The following WDR17 variants were observed in gnomAD, a reference collection of about 807,000 sequenced individuals.
WDR17 encodes the protein WD repeat domain 17.
WDR17 carries 143 observed loss-of-function variants against 161.7 expected under a neutral mutation model. That is an observed-to-expected ratio of 0.88 (90% CI 0.77 to 1.02). The LOEUF (loss-of-function observed/expected upper bound fraction) is 1.02. WDR17 is among the 50% of genes least tolerant of loss of function. The pLI is 0.00. For synonymous variants in WDR17, 517 were observed against 515.6 expected (o/e 1.00, Z -0.04); for missense variants, 1,469 against 1,520.9 (o/e 0.97, Z 0.57).
chr4:176,069,733 G>T (rs1026405365), intron 1 of WDR17, among the ~76,000 whole-genome samples: 2 of 151,808 alleles, frequency 1.3e-5, no homozygotes, highest in African/African-American at 4.8e-5. Context: ...TTCATATCAC[G>T]CACACAGAAA....
chr4:176,098,584 A>G (rs1275091602), intron 1 of WDR17, among the ~76,000 whole-genome samples: 1 of 151,962 alleles, frequency 6.6e-6, no homozygotes, highest in Non-Finnish European at 1.5e-5. Flanking sequence ...AAGATAACAA[A>G]AGGTTCTGGA....
At chr4:176,152,128 G>T (rs565075144) in intron 17 of WDR17, among the ~76,000 whole-genome samples, 161 bp downstream of exon 17, 2 of 151,714 alleles carry the variant, frequency 1.3e-5, no homozygotes, top group Admixed American at 1.3e-4. Flanking sequence ...TGAGCAACAC[G>T]GTAAAACCCC....
Position 176,168,833 on chromosome 4 carries a change from T to G in WDR17, c.3102+50T>G, listed in dbSNP as rs759557264. The G allele has an allele frequency of 5.7e-6, 9 of 1,569,722 alleles. No homozygotes were observed. The African/African-American group carries it at 8.2e-5, about 14-fold the overall frequency. ...TGGTTTGGAATGCAGTGCTATGATT[T>G]AATTAATTGTAGGTTCAAGCAAATA... On this transcript the variant is annotated intron_variant, in intron 23 of 28. Coordinates refer to ENST00000508596, the MANE Select transcript of WDR17 (RefSeq NM_181265.4).
intron 3 of WDR17, among the ~76,000 whole-genome samples, chr4:176,117,328 C>T (rs2126712083): frequency 6.6e-6 from 1 of 152,066 alleles, no homozygotes; most frequent in Admixed American, 6.6e-5. Flanking sequence ...TAATGCATTT[C>T]CAAGTACTTT....
chr4:176,095,068 G>T (rs749038926), intron 1 of WDR17, among the ~76,000 whole-genome samples: 1 of 152,108 alleles, frequency 6.6e-6, no homozygotes, highest in Non-Finnish European at 1.5e-5. Flanking sequence ...CAGAGACAAG[G>T]TTGGTAGAGT....
At chr4:176,144,730 A>G (rs1745885785) in intron 11 of WDR17, among the ~76,000 whole-genome samples, 1 of 152,162 alleles carries the variant, frequency 6.6e-6, no homozygotes, top group Non-Finnish European at 1.5e-5. Flanking sequence ...TGCCGTATTC[A>G]TATTCCACTT....
intron 1 of WDR17, among the ~76,000 whole-genome samples, chr4:176,073,150 A>G (rs1733456929): frequency 6.6e-6 from 1 of 151,962 alleles, no homozygotes. Context: ...CATGTGCACA[A>G]TGTGCAGGTT....
At chr4:176,177,334 A>T (rs937028990) in intron 27 of WDR17, 137 bp from the exon 28 acceptor site, 15 of 993,288 alleles carry the variant, frequency 1.5e-5, no homozygotes, top group Admixed American at 5.6e-5. Flanking sequence ...CCTTTGTTTT[A>T]CTATAAATTA....
At position 176,179,677 on chromosome 4, in the gene WDR17, G is replaced by A; in HGVS notation, c.*98G>A. On this transcript the variant is annotated 3_prime_UTR_variant, in exon 29 of 29. Transcript: ENST00000508596. ...TTGTTGCTCAAGTGCCAGAGGTTGG[G>A]AGAAGGATTGCAGGTTGGGAGAGGT... The A allele has an allele frequency of 2.4e-6, 3 of 1,256,256 alleles. No homozygotes were observed. In the South Asian group the frequency reaches 8.0e-5, roughly 34 times the overall value. The allele number at this position is 1,256,256 out of a possible 1,614,324, so 77.8% of individuals were successfully genotyped here.
At chr4:176,136,794 G>A (rs1258784553) in intron 8 of WDR17, among the ~76,000 whole-genome samples, 1 of 151,508 alleles carries the variant, frequency 6.6e-6, no homozygotes, top group Non-Finnish European at 1.5e-5. Flanking sequence ...GTTTAAAAAT[G>A]TTAGAAATAT....
At chr4:176,170,316 C>CTTTTT (rs34343977) in intron 23 of WDR17, among the ~76,000 whole-genome samples, 1 of 125,168 alleles carries the variant, frequency 8.0e-6, no homozygotes, top group Non-Finnish European at 1.7e-5. Context: ...TTTCTTTTTT[C>CTTTTT]TTTTTTTTTT....
At chr4:176,139,768 T>C in intron 9 of WDR17, 124 bp from the exon 10 acceptor site, 1 of 679,054 alleles carries the variant, frequency 1.5e-6, no homozygotes, top group Non-Finnish European at 2.4e-6. Context: ...TTGACAGTAA[T>C]GCCTCTGTTA....
At chr4:176,068,937 C>T (rs1020262500) in intron 1 of WDR17, among the ~76,000 whole-genome samples, 1 of 152,136 alleles carries the variant, frequency 6.6e-6, no homozygotes. Context: ...TCACGAAGGA[C>T]TTGCAACTTT....
chr4:176,118,286 C>T (rs991420280), intron 3 of WDR17, among the ~76,000 whole-genome samples: 1 of 152,276 alleles, frequency 6.6e-6, no homozygotes, highest in Middle Eastern at 3.4e-3. Context: ...TGCTGTCTTT[C>T]TCTAAATATA....
Position 176,162,132 on chromosome 4 carries a change from A to G in WDR17, c.2808A>G (p.Ala936=). 1 of 1,613,418 alleles carries G rather than the reference A, an allele frequency of 6.2e-7. No individual in the cohort carries two copies. Among genetic ancestry groups the G allele is most frequent in the Non-Finnish European group, 8.5e-7 (1 of 1,179,530 alleles). ...LAEWYFQDGR[A]VLAACCHLAI... is the part of the protein sequence containing the mutation. The stretch of plus-strand genomic sequence containing the variant: ...AATGGTATTTTCAAGATGGTCGAGC[A>G]GTACTAGCCGCATGTTGCCATCTTG... The change falls in exon 21 of 29, where the codon GCA becomes GCG. Residue 936 remains alanine (A), a synonymous_variant. Transcript: ENST00000508596.
At chr4:176,083,785 C>T (rs748034077) in intron 1 of WDR17, among the ~76,000 whole-genome samples, 2 of 152,108 alleles carry the variant, frequency 1.3e-5, no homozygotes, top group Non-Finnish European at 2.9e-5. Flanking sequence ...CCCCAGTTTA[C>T]GTTCCCCTGA....
intron 1 of WDR17, among the ~76,000 whole-genome samples, chr4:176,092,278 G>A (rs1056865163): frequency 6.6e-6 from 1 of 152,186 alleles, no homozygotes; most frequent in Non-Finnish European, 1.5e-5. Context: ...TCCCAGGGAT[G>A]CAAGGATGGT....
chr4:176,067,660 G>A (rs1159369380), intron 1 of WDR17, among the ~76,000 whole-genome samples: 4 of 152,080 alleles, frequency 2.6e-5, no homozygotes, highest in Admixed American at 2.0e-4. Context: ...TAATTCCATA[G>A]ATTAGAAAGC....
chr4:176,171,821 T>C (rs973643761), intron 23 of WDR17, among the ~76,000 whole-genome samples: 2 of 152,094 alleles, frequency 1.3e-5, no homozygotes, highest in African/African-American at 4.8e-5. Flanking sequence ...GTAATGAAAT[T>C]TCATGGATGA....
Sources: allele counts gnomAD v4.1 joint callset (sites outside exome capture counted in the v4.1 genomes callset), GRCh38; gene constraint gnomAD v4.1.1; transcripts MANE v1.5; gene names NCBI Gene and HGNC (gene_info 2026-07-23, HGNC 2026-07-21).